The following CMTM8 variants were observed in gnomAD, a reference collection of about 807,000 sequenced individuals.
CMTM8 encodes the protein CKLF-like MARVEL transmembrane domain-containing protein 8.
CMTM8 carries 12 observed loss-of-function variants against 18.6 expected under a neutral mutation model. The ratio of observed to expected loss-of-function variants is 0.65; its 90% CI spans 0.41 to 1.05. The LOEUF (loss-of-function observed/expected upper bound fraction) is 1.05, where lower values mean the gene tolerates loss of function less well. Among genes scored for constraint, CMTM8 ranks in the 50% least tolerant of loss-of-function variants. CMTM8 has a pLI of 0.00. For missense variants in CMTM8, 217 were observed against 227.2 expected (o/e 0.95, Z 0.29); for synonymous variants, 87 against 90.6 (o/e 0.96, Z 0.23).
In CMTM8 at chr3:32,357,419, T is replaced by A; in HGVS notation, c.194T>A (p.Phe65Tyr). 6.2e-7 allele frequency: 1 copy of A among 1,614,056 alleles called. No homozygotes were observed. The highest frequency in any genetic ancestry group is 8.5e-7 in the Non-Finnish European group (1 of 1,180,020). Residue 65 changes from phenylalanine (F) to tyrosine (Y), a missense_variant, in exon 2 of 4, where the codon TTC becomes TAC. Transcript: ENST00000307526. ...ACGCTTATTGCTGGAACTGAGTACTTCCGGGTCCCCGCATTTGGCTGGGTC... is the reference window on the plus strand; with the variant it reads ...ACGCTTATTGCTGGAACTGAGTACTACCGGGTCCCCGCATTTGGCTGGGTC... Reference protein sequence around the residue: ...VWTLIAGTEYFRVPAFGWVMF... With the variant: ...VWTLIAGTEYYRVPAFGWVMF...
intron 1 of CMTM8, chr3:32,244,067 G>A (rs187068848): frequency 5.5e-5 from 9 of 163,278 alleles, no homozygotes; most frequent in East Asian, 3.4e-4. Flanking sequence ...TGCCCCCTGC[G>A]CCGCCCTGAC....
At chr3:32,289,239 A>G (rs1055394994) in intron 1 of CMTM8, among the ~76,000 whole-genome samples, 2 of 152,220 alleles carry the variant, frequency 1.3e-5, no homozygotes, top group African/African-American at 4.8e-5. Context: ...TCTGAATTTT[A>G]ATTTAAAATC....
chr3:32,282,969 A>G (rs1049554028), intron 1 of CMTM8, among the ~76,000 whole-genome samples: 2 of 151,848 alleles, frequency 1.3e-5, no homozygotes, highest in Non-Finnish European at 2.9e-5. Flanking sequence ...TAGCCTGCCT[A>G]GTATTTTTCC....
intron 1 of CMTM8, among the ~76,000 whole-genome samples, chr3:32,318,870 C>G (rs1293835032): frequency 6.6e-6 from 1 of 150,880 alleles, no homozygotes; most frequent in African/African-American, 2.4e-5. Context: ...CCCGGCTAGT[C>G]ATTATTAATT....
At chr3:32,288,535 C>G (rs1315345774) in intron 1 of CMTM8, among the ~76,000 whole-genome samples, 3 of 151,642 alleles carry the variant, frequency 2.0e-5, no homozygotes, top group Admixed American at 6.6e-5. Flanking sequence ...GAGTCTTGCT[C>G]TATCACCCAG....
At chr3:32,270,241 G>A (rs1575153725) in intron 1 of CMTM8, among the ~76,000 whole-genome samples, 3 of 152,200 alleles carry the variant, frequency 2.0e-5, no homozygotes, top group Non-Finnish European at 1.5e-5. Flanking sequence ...AATCATGTTC[G>A]AACAAGTAAC....
At chr3:32,276,800 C>G (rs1412636691) in intron 1 of CMTM8, among the ~76,000 whole-genome samples, 4 of 152,156 alleles carry the variant, frequency 2.6e-5, no homozygotes, top group African/African-American at 9.7e-5. Flanking sequence ...TTTGGTGAGG[C>G]TGCCAGACCT....
intron 1 of CMTM8, chr3:32,259,073 G>C: frequency 2.7e-6 from 1 of 373,168 alleles, no homozygotes; most frequent in South Asian, 2.3e-5. Context: ...GCAGGGGGTG[G>C]CTCTGGTTCC....
At chr3:32,269,991 C>T (rs762227306) in intron 1 of CMTM8, among the ~76,000 whole-genome samples, 16 of 151,716 alleles carry the variant, frequency 1.1e-4, no homozygotes, top group Non-Finnish European at 1.9e-4. Flanking sequence ...CCAGGCTGGT[C>T]TCAAACTCCT....
chr3:32,271,531 T>G (rs1702438760), intron 1 of CMTM8, among the ~76,000 whole-genome samples: 1 of 152,248 alleles, frequency 6.6e-6, no homozygotes, highest in Non-Finnish European at 1.5e-5. Context: ...ACTTGCTTCC[T>G]CCATTCATCA....
At chr3:32,348,502 C>T (rs1380270852) in intron 1 of CMTM8, among the ~76,000 whole-genome samples, 2 of 135,178 alleles carry the variant, frequency 1.5e-5, no homozygotes, top group African/African-American at 5.5e-5. Context: ...TCTTTCCCTC[C>T]ATTTTCTTCA....
intron 1 of CMTM8, among the ~76,000 whole-genome samples, chr3:32,351,242 C>T (rs910067050): frequency 6.6e-6 from 1 of 152,162 alleles, no homozygotes; most frequent in African/African-American, 2.4e-5. Flanking sequence ...AATTGTCTAT[C>T]TGCTAGAAAA....
intron 1 of CMTM8, among the ~76,000 whole-genome samples, chr3:32,328,370 CAAAA>C (rs796201249): frequency 1.0e-3 from 76 of 74,778 alleles, no homozygotes; most frequent in Middle Eastern, 0.012. Flanking sequence ...ACCCTGTCTC[CAAAA>C]AAAAAAAAAA....
intron 1 of CMTM8, among the ~76,000 whole-genome samples, chr3:32,309,743 TG>T (rs1459965135): frequency 9.2e-5 from 14 of 152,352 alleles, no homozygotes; most frequent in African/African-American, 2.6e-4. Context: ...ATTGAGCCTG[TG>T]GTTCATCAGA....
At chr3:32,356,451 G>C (rs116541717) in intron 1 of CMTM8, among the ~76,000 whole-genome samples, 2,085 of 152,286 alleles carry the variant, frequency 0.014, 59 homozygotes, top group African/African-American at 0.047. Context: ...GTTTAGGTCA[G>C]TTTCCTTTTG....
chr3:32,349,795 G>A (rs1163220427), intron 1 of CMTM8, among the ~76,000 whole-genome samples: 1 of 152,110 alleles, frequency 6.6e-6, no homozygotes, highest in East Asian at 1.9e-4. Context: ...ATCACTGGAG[G>A]TCAGGAGTTC....
At chr3:32,328,805 A>C (rs1230416189) in intron 1 of CMTM8, among the ~76,000 whole-genome samples, 1 of 152,144 alleles carries the variant, frequency 6.6e-6, no homozygotes, top group Non-Finnish European at 1.5e-5. Context: ...ATCTGAACAG[A>C]CCCATAACTA....
chr3:32,254,816 A>G (rs1057062898), intron 1 of CMTM8, among the ~76,000 whole-genome samples: 1 of 151,966 alleles, frequency 6.6e-6, no homozygotes, highest in Admixed American at 6.5e-5. Flanking sequence ...TATTCATAGC[A>G]TTGTGCAATC....
intron 1 of CMTM8, among the ~76,000 whole-genome samples, chr3:32,298,837 ATG>A (rs148915696): frequency 0.65 from 91,584 of 139,894 alleles, 30,418 homozygotes; most frequent in East Asian, 0.78. Context: ...GTGTATATAT[ATG>A]TGTGTGTGTA....
Sources: allele counts gnomAD v4.1 joint callset (sites outside exome capture counted in the v4.1 genomes callset), GRCh38; gene constraint gnomAD v4.1.1; transcripts MANE v1.5; gene names NCBI Gene and HGNC (gene_info 2026-07-23, HGNC 2026-07-21).